OPCML: variants seen among roughly 807,000 people sequenced by gnomAD.
OPCML encodes opioid binding protein/cell adhesion molecule like.
OPCML carries 13 observed loss-of-function variants against 37.8 expected under a neutral mutation model. The ratio of observed to expected loss-of-function variants is 0.34; its 90% confidence interval spans 0.22 to 0.55. OPCML has a LOEUF of 0.55. Ranked by LOEUF, OPCML falls within the 20% of genes least tolerant of loss-of-function variation. OPCML has a pLI of 0.91. For missense variants in OPCML, 341 were observed against 435.6 expected, an observed-to-expected ratio of 0.78 and a Z score of 1.93; for synonymous variants, 176 against 168.8, an observed-to-expected ratio of 1.04 and a Z score of -0.33.
chr11:133,364,786 A>G (rs910345097), intron 1 of OPCML, among the ~76,000 whole-genome samples: 1 of 152,100 alleles, frequency 6.6e-6, no homozygotes, highest in Non-Finnish European at 1.5e-5. Context: ...CAAAATGAAT[A>G]TATTTTTTAA....
chr11:132,958,677 T>G (rs908354613), intron 1 of OPCML, among the ~76,000 whole-genome samples: 1 of 152,236 alleles, frequency 6.6e-6, no homozygotes, highest in Non-Finnish European at 1.5e-5. Context: ...CTGAAAATCC[T>G]AGGGCCCTTA....
At chr11:132,499,349 C>A (rs760235858) in intron 4 of OPCML, among the ~76,000 whole-genome samples, 3 of 152,172 alleles carry the variant, frequency 2.0e-5, no homozygotes, top group Non-Finnish European at 4.4e-5. Context: ...GTTACGCTGC[C>A]TCCCTCAGAA....
At chr11:132,904,011 C>A (rs1377629809) in intron 2 of OPCML, among the ~76,000 whole-genome samples, 2 of 152,172 alleles carry the variant, frequency 1.3e-5, no homozygotes, top group Non-Finnish European at 2.9e-5. Context: ...CCCTGAATGT[C>A]AATATATAAT....
intron 4 of OPCML, among the ~76,000 whole-genome samples, chr11:132,509,373 C>A (rs2096263937): frequency 6.6e-6 from 1 of 152,066 alleles, no homozygotes; most frequent in Non-Finnish European, 1.5e-5. Flanking sequence ...GGGAGAAATT[C>A]ACGCCAGCTG....
In OPCML at chr11:132,784,938, T is replaced by A. The variant is rs79860952; in HGVS notation, c.147-127619A>T. On this transcript the variant is annotated intron_variant, in intron 2 of 7. Transcript: ENST00000524381. ...AAATAAACCTCTTTTCTTTATAAGT[T>A]AACTCAGTCTCAAGTATTTCTTCAT... Among the ~76,000 whole-genome samples the A allele has an allele frequency of 2.8e-4, 42 of 152,308 alleles. No homozygotes were observed. In the East Asian group the frequency reaches 7.9e-3, roughly 29 times the overall value.
At chr11:132,592,981 T>A (rs1017221433) in intron 3 of OPCML, among the ~76,000 whole-genome samples, 1 of 152,014 alleles carries the variant, frequency 6.6e-6, no homozygotes, top group Non-Finnish European at 1.5e-5. Flanking sequence ...GTTCACGGAG[T>A]TCTGGAGAGT....
intron 1 of OPCML, among the ~76,000 whole-genome samples, chr11:133,262,573 C>T (rs546963157): frequency 2.0e-5 from 3 of 152,244 alleles, no homozygotes; most frequent in South Asian, 2.1e-4. Context: ...AGCAGTGAGC[C>T]GGCAGATGGA....
chr11:132,737,423 CTTGTATGTGCTAATAT>C (rs1945295640), intron 2 of OPCML, among the ~76,000 whole-genome samples: 1 of 152,046 alleles, frequency 6.6e-6, no homozygotes, highest in Non-Finnish European at 1.5e-5. Context: ...TCTATTAGAT[CTTGTATGTGCTAATAT>C]TTGTGGATAC....
chr11:132,636,346 T>C (rs560799847), intron 3 of OPCML, among the ~76,000 whole-genome samples: 22 of 152,320 alleles, frequency 1.4e-4, no homozygotes, highest in African/African-American at 4.8e-4. Flanking sequence ...CATACATTTG[T>C]CACATAATTC....
At chr11:133,367,336 C>A (rs888389154) in intron 1 of OPCML, among the ~76,000 whole-genome samples, 1 of 152,148 alleles carries the variant, frequency 6.6e-6, no homozygotes, top group Admixed American at 6.5e-5. Context: ...TACTCTTCCC[C>A]CTGCTCCAAC....
chr11:132,822,521 T>C (rs149920307), intron 2 of OPCML, among the ~76,000 whole-genome samples: 1 of 152,148 alleles, frequency 6.6e-6, no homozygotes, highest in African/African-American at 2.4e-5. Flanking sequence ...TGTGTGTGTG[T>C]GTGCGCGCAC....
intron 3 of OPCML, among the ~76,000 whole-genome samples, chr11:132,577,235 G>T (rs1414724302): frequency 6.6e-6 from 1 of 152,112 alleles, no homozygotes; most frequent in Non-Finnish European, 1.5e-5. Flanking sequence ...ATGGTCCAGG[G>T]CTTCCTAGTC....
intron 3 of OPCML, among the ~76,000 whole-genome samples, chr11:132,646,626 T>C (rs1054276955): frequency 6.6e-6 from 1 of 152,124 alleles, no homozygotes; most frequent in African/African-American, 2.4e-5. Flanking sequence ...AGGGAGAGAA[T>C]GACGTTATTG....
chr11:132,790,401 A>T (rs1401757095), intron 2 of OPCML, among the ~76,000 whole-genome samples: 1 of 152,246 alleles, frequency 6.6e-6, no homozygotes, highest in Non-Finnish European at 1.5e-5. Context: ...GTTTTAGGTG[A>T]TAGAAATTTT....
intron 1 of OPCML, among the ~76,000 whole-genome samples, chr11:133,171,045 A>G (rs923780335): frequency 2.9e-4 from 44 of 152,218 alleles, no homozygotes; most frequent in African/African-American, 1.1e-3. Context: ...TTGGCTGTGG[A>G]GACCTCACCA....
At chr11:132,804,765 G>A (rs528896484) in intron 2 of OPCML, among the ~76,000 whole-genome samples, 172 of 152,300 alleles carry the variant, frequency 1.1e-3, no homozygotes, top group African/African-American at 3.9e-3. Context: ...TGATCAGCCA[G>A]TAATTGAGCT....
chr11:133,004,801 C>T, intron 1 of OPCML: 1 of 985,450 alleles, frequency 1.0e-6, no homozygotes, highest in Non-Finnish European at 1.2e-6. Flanking sequence ...CCACCACACT[C>T]CGTCTAACCT....
intron 1 of OPCML, among the ~76,000 whole-genome samples, chr11:133,198,655 A>C (rs556415935): frequency 1.3e-5 from 2 of 152,332 alleles, no homozygotes; most frequent in South Asian, 4.1e-4. Context: ...CCAGGGCAGG[A>C]CTAGTACTAG....
At chr11:132,547,139 A>G (rs6590641) in intron 3 of OPCML, among the ~76,000 whole-genome samples, 20,809 of 152,226 alleles carry the variant, frequency 0.14, 1,984 homozygotes, top group East Asian at 0.47. Context: ...TGCTTGGCAC[A>G]TACTCAGTGG....
Sources: gnomAD v4.1 joint callset for allele counts (sites outside exome capture counted in the v4.1 genomes callset) on GRCh38, gnomAD v4.1.1 for gene constraint, MANE v1.5 for transcripts, NCBI Gene and HGNC (gene_info 2026-07-23, HGNC 2026-07-21) for gene names.